The following SBF2 variants were observed in gnomAD, a reference collection of about 807,000 sequenced individuals.
SBF2 encodes the protein SET binding factor 2.
SBF2 carries 112 observed loss-of-function variants against 225.2 expected under a neutral mutation model. The observed-to-expected ratio is 0.50, with a 90% CI of 0.43 to 0.58. The LOEUF is 0.58. Among genes scored for constraint, SBF2 ranks in the 20% least tolerant of loss-of-function variants. The probability of loss-of-function intolerance (pLI) is 0.00; values close to 1 mark genes in which losing one functional copy is unlikely to be tolerated. For missense variants in SBF2, 1,996 were observed against 2,206.2 expected (o/e 0.90, Z 1.91); for synonymous variants, 763 against 773.3 (o/e 0.99, Z 0.22).
intron 1 of SBF2, among the ~76,000 whole-genome samples, chr11:10,252,845 A>C (rs1443076869): frequency 1.3e-5 from 2 of 151,490 alleles, no homozygotes; most frequent in Non-Finnish European, 2.9e-5. Context: ...CAAAAAAAAG[A>C]AAATAAGGCA....
At chr11:9,948,946 C>A (rs988117156) in intron 16 of SBF2, among the ~76,000 whole-genome samples, 3 of 152,114 alleles carry the variant, frequency 2.0e-5, no homozygotes, top group Non-Finnish European at 1.5e-5. Flanking sequence ...CACTAGGCCA[C>A]CTATACTACC....
At chr11:10,159,320 CATT>C (rs1290951160) in intron 2 of SBF2, among the ~76,000 whole-genome samples, 2 of 152,216 alleles carry the variant, frequency 1.3e-5, no homozygotes, top group Non-Finnish European at 2.9e-5. Flanking sequence ...GTGGGACTAA[CATT>C]AGCCACAAGA....
At chr11:10,140,553 T>G (rs1954596355) in intron 2 of SBF2, among the ~76,000 whole-genome samples, 1 of 152,218 alleles carries the variant, frequency 6.6e-6, no homozygotes, top group African/African-American at 2.4e-5. Flanking sequence ...TGTCTTGCAT[T>G]TGGTTATTCC....
At chr11:10,094,528 A>ATTGTTTTTTTT (rs1951931872) in intron 2 of SBF2, among the ~76,000 whole-genome samples, 1 of 107,300 alleles carries the variant, frequency 9.3e-6, no homozygotes, top group Non-Finnish European at 1.9e-5. Flanking sequence ...ATACACACAG[A>ATTGTTTTTTTT]TTTTTTTTTT....
intron 17 of SBF2, among the ~76,000 whole-genome samples, chr11:9,889,567 GA>G (rs1860624623): frequency 6.6e-6 from 1 of 152,046 alleles, no homozygotes; most frequent in African/African-American, 2.4e-5. Context: ...ATTTATAAGA[GA>G]ATTAGTTTAA....
chr11:9,875,107 A>G (rs1365931327), intron 17 of SBF2, among the ~76,000 whole-genome samples: 1 of 152,218 alleles, frequency 6.6e-6, no homozygotes, highest in Non-Finnish European at 1.5e-5. Context: ...CCTAGTGGCC[A>G]TTTCCCAGGA....
chr11:10,006,207 C>A (rs887710536), intron 6 of SBF2, among the ~76,000 whole-genome samples: 44 of 152,212 alleles, frequency 2.9e-4, no homozygotes, highest in African/African-American at 1.1e-3. Flanking sequence ...ACTTTGCATG[C>A]CATGTAACTG....
At chr11:9,989,440 G>A (rs757420802) in intron 13 of SBF2, 57 bp downstream of exon 13, 24 of 1,166,826 alleles carry the variant, frequency 2.1e-5, no homozygotes, top group South Asian at 6.7e-5. Context: ...AATAACTTAC[G>A]GAAAAATAAA....
At chr11:10,093,770 G>A (rs534678968) in intron 2 of SBF2, among the ~76,000 whole-genome samples, 1 of 152,272 alleles carries the variant, frequency 6.6e-6, no homozygotes, top group Non-Finnish European at 1.5e-5. Flanking sequence ...TTTGTGTACA[G>A]TAAATACCAA....
At chr11:9,932,448 C>T (rs1483760882) in intron 16 of SBF2, among the ~76,000 whole-genome samples, 1 of 152,170 alleles carries the variant, frequency 6.6e-6, no homozygotes, top group Admixed American at 6.5e-5. Context: ...AGAAACCCTA[C>T]AAGCCGGAAG....
At chr11:9,998,838 G>A (rs1013644466) in intron 8 of SBF2, among the ~76,000 whole-genome samples, 1 of 152,162 alleles carries the variant, frequency 6.6e-6, no homozygotes, top group Non-Finnish European at 1.5e-5. Context: ...ACATCTCTAT[G>A]GACTGCTGCA....
chr11:10,030,915 T>C (rs896655221), intron 4 of SBF2, 133 bp downstream of exon 4: 3 of 761,140 alleles, frequency 3.9e-6, no homozygotes. Flanking sequence ...CTTCTGTTCA[T>C]GCTAACTGTA....
Position 10,258,536 on chromosome 11 carries a change from T to TA in SBF2, c.55+35478dup, listed in dbSNP as rs962275260. 2.6e-3 allele frequency among the ~76,000 whole-genome samples: 398 copies of TA among 151,008 alleles called. 2 individuals are homozygous for TA. Among genetic ancestry groups the TA allele is most frequent in the Middle Eastern group, 0.014 (4 of 294 alleles). On this transcript the variant is annotated intron_variant, in intron 1 of 39. Coordinates refer to ENST00000256190, the MANE Select transcript of SBF2 (RefSeq NM_030962.4). ...TGCACCTTAGAAAATGCTTATCTAG[T>TA]AAAAAAAAAATTTCACATGACCATC...
At chr11:9,890,807 G>A (rs918541513) in intron 17 of SBF2, among the ~76,000 whole-genome samples, 1 of 152,160 alleles carries the variant, frequency 6.6e-6, no homozygotes, top group African/African-American at 2.4e-5. Flanking sequence ...GGGTGACCCT[G>A]AGGTGCATGG....
At chr11:9,955,934 A>G (rs994359118) in intron 16 of SBF2, among the ~76,000 whole-genome samples, 3 of 152,144 alleles carry the variant, frequency 2.0e-5, no homozygotes, top group Non-Finnish European at 4.4e-5. Context: ...ATAGTATATA[A>G]CATGCACTTG....
In SBF2 at chr11:9,963,654, A is replaced by G. The variant is rs879004950; in HGVS notation, c.1710+119T>C. ...TTCATTTAAAATGATCCAAACAATG[A>G]GAGGATACTTTATTAGGAAAAGGGA... On this transcript the variant is annotated intron_variant, in intron 15 of 39. Coordinates refer to ENST00000256190, the MANE Select transcript of SBF2 (RefSeq NM_030962.4). 3 of 648,276 alleles carry G rather than the reference A, an allele frequency of 4.6e-6. No homozygotes were observed. In the South Asian group the frequency reaches 5.3e-5, roughly 12 times the overall value. 40.2% of individuals were successfully genotyped at this position (648,276 alleles called of 1,614,324 possible). A position where few individuals can be genotyped will look rare whatever the true frequency, so the allele number is the denominator to read the frequency against.
intron 15 of SBF2, among the ~76,000 whole-genome samples, chr11:9,962,415 G>A (rs1866633769): frequency 1.3e-5 from 2 of 152,218 alleles, no homozygotes; most frequent in South Asian, 4.2e-4. Context: ...TTCAGATCAT[G>A]AGTCAAAGCC....
intron 2 of SBF2, among the ~76,000 whole-genome samples, chr11:10,117,799 T>A: frequency 6.6e-6 from 1 of 152,102 alleles, no homozygotes; most frequent in East Asian, 1.9e-4. Flanking sequence ...GTTATACTTA[T>A]GCAATATGAC....
At chr11:10,162,641 C>A (rs868342976) in intron 2 of SBF2, among the ~76,000 whole-genome samples, 1 of 152,094 alleles carries the variant, frequency 6.6e-6, no homozygotes, top group African/African-American at 2.4e-5. Context: ...TTATCAGAAC[C>A]AAATTACCAG....
Sources: gnomAD v4.1 joint callset for allele counts (sites outside exome capture counted in the v4.1 genomes callset) on GRCh38, gnomAD v4.1.1 for gene constraint, MANE v1.5 for transcripts, NCBI Gene and HGNC (gene_info 2026-07-23, HGNC 2026-07-21) for gene names.